The following RAB38 variants were observed in gnomAD, a reference collection of about 807,000 sequenced individuals.
The protein encoded by RAB38 is RAB38, member RAS oncogene family.
A neutral mutation model predicts 18.4 loss-of-function variants in RAB38; 15 were observed. The ratio of observed to expected loss-of-function variants is 0.82; its 90% confidence interval spans 0.55 to 1.26. The LOEUF is 1.26. Ranked by LOEUF, RAB38 falls within the 50% of genes most tolerant of loss-of-function variation. The pLI is 0.00. For synonymous variants in RAB38, 101 were observed against 104.4 expected, an observed-to-expected ratio of 0.97 and a Z score of 0.20; for missense variants, 294 against 267.4, an observed-to-expected ratio of 1.10 and a Z score of -0.69.
At chr11:88,016,472 ATCT>A in the RAB38 span, among the ~76,000 whole-genome samples, 1 of 152,102 alleles carries the variant, frequency 6.6e-6, no homozygotes, top group Non-Finnish European at 1.5e-5. Context: ...GAAAGGAAAC[ATCT>A]TCTGATTAAC....
At chr11:88,089,083 G>A in the RAB38 span, among the ~76,000 whole-genome samples, 7 of 152,064 alleles carry the variant, frequency 4.6e-5, no homozygotes, top group South Asian at 1.4e-3. Flanking sequence ...AACTATTTAT[G>A]ACATTACAAG....
the RAB38 span, among the ~76,000 whole-genome samples, chr11:87,830,504 C>T: frequency 1.3e-5 from 2 of 151,694 alleles, no homozygotes; most frequent in Non-Finnish European, 2.9e-5. Flanking sequence ...CTGCTCGAAG[C>T]CTAATAATGG....
chr11:87,950,002 C>CCACA, the RAB38 span, among the ~76,000 whole-genome samples: 12 of 152,180 alleles, frequency 7.9e-5, no homozygotes, highest in Admixed American at 7.2e-4. Flanking sequence ...TTAAAGTCTC[C>CCACA]CATTATTAAT....
the RAB38 span, among the ~76,000 whole-genome samples, chr11:88,070,541 T>C: frequency 2.6e-5 from 4 of 152,136 alleles, no homozygotes; most frequent in Admixed American, 2.6e-4. Context: ...ATTAAAAACA[T>C]AAATGCCTTC....
the RAB38 span, among the ~76,000 whole-genome samples, chr11:87,921,091 CA>C: frequency 1.3e-5 from 2 of 151,954 alleles, no homozygotes; most frequent in African/African-American, 2.4e-5. Context: ...CCCACTCTGA[CA>C]ATAGGGAACC....
intron 2 of RAB38, among the ~76,000 whole-genome samples, chr11:88,117,185 A>G (rs1942565418): frequency 6.6e-6 from 1 of 152,232 alleles, no homozygotes; most frequent in South Asian, 2.1e-4. Context: ...ATGGTGACTG[A>G]GTCAGGTTCA....
the RAB38 span, among the ~76,000 whole-genome samples, chr11:87,973,714 T>A: frequency 7.0e-6 from 1 of 142,938 alleles, no homozygotes; most frequent in East Asian, 1.9e-4. Flanking sequence ...AATGAGACCC[T>A]GTGAATCCCA....
At chr11:87,962,726 G>A in the RAB38 span, among the ~76,000 whole-genome samples, 1 of 152,128 alleles carries the variant, frequency 6.6e-6, no homozygotes, top group Non-Finnish European at 1.5e-5. Flanking sequence ...TCAGACGGAG[G>A]AAATAAATGT....
the RAB38 span, among the ~76,000 whole-genome samples, chr11:87,976,844 G>GTTATATAAGGTATTATATATTATA: frequency 1.5e-4 from 3 of 19,906 alleles, 1 homozygote; most frequent in African/African-American, 4.2e-4. Flanking sequence ...AATATATATT[G>GTTATATAAGGTATTATATATTATA]TGTTATATAA....
chr11:88,139,107 G>A (rs563638967), intron 2 of RAB38, among the ~76,000 whole-genome samples: 6 of 152,034 alleles, frequency 3.9e-5, no homozygotes, highest in African/African-American at 7.2e-5. Context: ...ATTAAGATTC[G>A]CATGGTCTTG....
chr11:87,900,041 G>T, the RAB38 span, among the ~76,000 whole-genome samples: 1 of 151,334 alleles, frequency 6.6e-6, no homozygotes, highest in African/African-American at 2.4e-5. Flanking sequence ...GACACTGACG[G>T]GCATGCTGGA....
chr11:87,975,395 C>A, the RAB38 span, among the ~76,000 whole-genome samples: 1 of 151,832 alleles, frequency 6.6e-6, no homozygotes, highest in African/African-American at 2.4e-5. Context: ...GGTAACGAAG[C>A]TGAAATAATT....
At chr11:87,974,577 A>G in the RAB38 span, among the ~76,000 whole-genome samples, 1 of 151,836 alleles carries the variant, frequency 6.6e-6, no homozygotes, top group African/African-American at 2.4e-5. Context: ...TGGAGAAATA[A>G]TTTCTGAATT....
chr11:88,129,129 T>C (rs923939458), intron 2 of RAB38, among the ~76,000 whole-genome samples: 2 of 152,158 alleles, frequency 1.3e-5, no homozygotes, highest in African/African-American at 4.8e-5. Flanking sequence ...ACTTACACAT[T>C]ACCCAACAGA....
the RAB38 span, among the ~76,000 whole-genome samples, chr11:87,966,440 GT>G: frequency 6.6e-6 from 1 of 152,086 alleles, no homozygotes; most frequent in African/African-American, 2.4e-5. Context: ...GTTTTCCAAG[GT>G]ACTCAGATGG....
At chr11:87,866,933 G>A in the RAB38 span, among the ~76,000 whole-genome samples, 1 of 151,780 alleles carries the variant, frequency 6.6e-6, no homozygotes, top group Non-Finnish European at 1.5e-5. Context: ...TCCCTATAGA[G>A]TTCTAGGGTA....
the RAB38 span, among the ~76,000 whole-genome samples, chr11:88,003,944 G>C: frequency 1.8e-5 from 2 of 113,012 alleles, no homozygotes; most frequent in South Asian, 5.3e-4. Flanking sequence ...TACTTATATA[G>C]AGAGATATAT....
At chr11:88,154,932 C>A (rs1468033377) in intron 1 of RAB38, among the ~76,000 whole-genome samples, 1 of 152,228 alleles carries the variant, frequency 6.6e-6, no homozygotes, top group East Asian at 1.9e-4. Context: ...CCTGAGCCAT[C>A]CCACCCCTCC....
At chr11:87,967,477 T>TA in the RAB38 span, among the ~76,000 whole-genome samples, 2 of 152,054 alleles carry the variant, frequency 1.3e-5, no homozygotes, top group African/African-American at 2.4e-5. Flanking sequence ...TTCATGAAAG[T>TA]AAAAAAACAA....
Sources: gnomAD v4.1 joint callset for allele counts (sites outside exome capture counted in the v4.1 genomes callset) on GRCh38, gnomAD v4.1.1 for gene constraint, MANE v1.5 for transcripts, NCBI Gene and HGNC (gene_info 2026-07-23, HGNC 2026-07-21) for gene names.